Variants in MFAP5 observed in about 807,000 individuals in gnomAD.
The protein encoded by MFAP5 is microfibrillar-associated protein 5.
Under a neutral mutation model 30.1 loss-of-function variants are expected in MFAP5, and 19 were observed. The ratio of observed to expected loss-of-function variants is 0.63; its 90% CI spans 0.44 to 0.93. MFAP5 has a LOEUF of 0.93. Ranked by LOEUF, MFAP5 falls within the 40% of genes least tolerant of loss-of-function variation. The pLI is 0.00. For missense variants in MFAP5, 210 were observed against 221.3 expected, an observed-to-expected ratio of 0.95 and a Z score of 0.32; for synonymous variants, 92 against 72.9, an observed-to-expected ratio of 1.26 and a Z score of -1.33.
intron 7 of MFAP5, among the ~76,000 whole-genome samples, chr12:8,650,819 A>G (rs139390012): frequency 2.2e-3 from 337 of 152,318 alleles, no homozygotes; most frequent in African/African-American, 7.9e-3. Context: ...AGTGGATAAA[A>G]TAATCTCTGA....
At chr12:8,648,293 T>G (rs1371755540) in intron 9 of MFAP5, 90 bp from the exon 10 acceptor site, 1 of 1,128,398 alleles carries the variant, frequency 8.9e-7, no homozygotes, top group African/African-American at 1.6e-5. Context: ...TTCAGTGTGG[T>G]GTAGTGAAAA....
intron 8 of MFAP5, chr12:8,650,276 G>T (rs990248159): frequency 1.9e-6 from 1 of 517,770 alleles, no homozygotes; most frequent in East Asian, 3.2e-5. Flanking sequence ...TTCCTCCAGC[G>T]CCCACCTTCA....
At chr12:8,653,842 T>G (rs752663159) in intron 6 of MFAP5, among the ~76,000 whole-genome samples, 2 of 152,162 alleles carry the variant, frequency 1.3e-5, no homozygotes, top group Non-Finnish European at 2.9e-5. Flanking sequence ...CAATAATGAT[T>G]TGTTAAAAAA....
intron 6 of MFAP5, chr12:8,654,126 C>CAAAAA (rs61055144): frequency 5.3e-5 from 6 of 113,544 alleles, no homozygotes; most frequent in Admixed American, 4.7e-4. Flanking sequence ...TAATCCGTCT[C>CAAAAA]AAAAAAAAAA....
At chr12:8,654,411 C>G (rs1941925331) in intron 6 of MFAP5, 26 bp downstream of exon 6, 2 of 1,585,036 alleles carry the variant, frequency 1.3e-6, no homozygotes, top group African/African-American at 1.3e-5. Context: ...GCCCTGATGA[C>G]CTGGGGGTCC....
At chr12:8,655,090 C>T (rs772682382) in intron 5 of MFAP5, among the ~76,000 whole-genome samples, 1 of 152,072 alleles carries the variant, frequency 6.6e-6, no homozygotes, top group Non-Finnish European at 1.5e-5. Context: ...CCAGCTCGGC[C>T]AACATGGTGA....
chr12:8,656,176 T>G (rs1467578004), intron 3 of MFAP5, among the ~76,000 whole-genome samples: 1 of 149,966 alleles, frequency 6.7e-6, no homozygotes, highest in Admixed American at 6.7e-5. Flanking sequence ...TTCTCCTGCC[T>G]CAGCCTCCCA....
chr12:8,648,933 A>G (rs1941757966), intron 9 of MFAP5, among the ~76,000 whole-genome samples: 1 of 152,194 alleles, frequency 6.6e-6, no homozygotes, highest in South Asian at 2.1e-4. Flanking sequence ...GGGCCCTCGT[A>G]ATTGCCCCAT....
At chr12:8,656,156 G>C (rs12827867) in intron 3 of MFAP5, among the ~76,000 whole-genome samples, 10,964 of 150,278 alleles carry the variant, frequency 0.073, 466 homozygotes, top group Middle Eastern at 0.1. Context: ...CGCCTCCCGG[G>C]TTCACATCAT....
At chr12:8,656,156 G>A (rs12827867) in intron 3 of MFAP5, among the ~76,000 whole-genome samples, 1 of 150,226 alleles carries the variant, frequency 6.7e-6, no homozygotes, top group African/African-American at 2.5e-5. Flanking sequence ...CGCCTCCCGG[G>A]TTCACATCAT....
At position 8,647,475 on chromosome 12, in the gene MFAP5, G is replaced by C. The variant is rs1482965167; in HGVS notation, c.*616C>G. On this transcript the variant is annotated 3_prime_UTR_variant, in exon 10 of 10. Coordinates refer to ENST00000359478, the MANE Select transcript of MFAP5 (RefSeq NM_003480.4). Reference sequence around the variant, plus strand: ...CTCTGAGCTTAGCAGAAGACATTTTGGGTCCTTATATATTGCTAGTAGGAT... The same window carrying C: ...CTCTGAGCTTAGCAGAAGACATTTTCGGTCCTTATATATTGCTAGTAGGAT... 1.3e-5 allele frequency: 2 copies of C among 152,192 alleles called. No homozygotes were observed. Among genetic ancestry groups the C allele is most frequent in the Non-Finnish European group, 2.9e-5 (2 of 68,040 alleles). 9.4% of individuals were successfully genotyped at this position (152,192 alleles called of 1,614,324 possible).
chr12:8,649,486 C>G lies in MFAP5; in HGVS notation c.409+15G>C. Reference sequence around the variant, plus strand: ...TAACTGCTTCTCTCCATTAAACATCCAGACATCATCTTACCTTTCATAGCT... The same window carrying G: ...TAACTGCTTCTCTCCATTAAACATCGAGACATCATCTTACCTTTCATAGCT... On this transcript the variant is annotated intron_variant, in intron 9 of 9. Coordinates refer to ENST00000359478, the MANE Select transcript of MFAP5 (RefSeq NM_003480.4). 3 of 1,610,902 alleles carry G rather than the reference C, an allele frequency of 1.9e-6. No individual in the cohort carries two copies. The highest frequency in any genetic ancestry group is 1.7e-6 in the Non-Finnish European group (2 of 1,177,290).
intron 3 of MFAP5, among the ~76,000 whole-genome samples, chr12:8,657,434 A>G (rs1177543014): frequency 6.6e-6 from 1 of 152,046 alleles, no homozygotes. Context: ...AATAAGAATA[A>G]AATAATAGTA....
chr12:8,657,882 T>A (rs1404962861), intron 3 of MFAP5, among the ~76,000 whole-genome samples: 1 of 152,202 alleles, frequency 6.6e-6, no homozygotes, highest in Non-Finnish European at 1.5e-5. Flanking sequence ...TGACTTCTTT[T>A]TTTAACTTCA....
Position 8,661,963 on chromosome 12 carries a change from C to T in MFAP5, c.58+84G>A, listed in dbSNP as rs772396438. 9.2e-5 allele frequency: 118 copies of T among 1,289,210 alleles called. 1 individual carries two copies. In the East Asian group the frequency reaches 1.8e-3, roughly 19 times the overall value. 79.9% of individuals were successfully genotyped at this position (1,289,210 alleles called of 1,614,324 possible). ...AAGCATCTCTACTGCTATTCCTCTT[C>T]GACCTCATTCCATCCCATCTCCTGC... On this transcript the variant is annotated intron_variant, in intron 2 of 9. Coordinates refer to ENST00000359478, the MANE Select transcript of MFAP5 (RefSeq NM_003480.4).
chr12:8,659,188 A>G (rs1162101439), intron 3 of MFAP5, among the ~76,000 whole-genome samples: 1 of 151,780 alleles, frequency 6.6e-6, no homozygotes, highest in Non-Finnish European at 1.5e-5. Flanking sequence ...CATGCCTATA[A>G]TCCAAGCTAC....
At chr12:8,656,009 A>G (rs2136471976) in intron 3 of MFAP5, among the ~76,000 whole-genome samples, 179 bp from the exon 4 acceptor site, 1 of 152,202 alleles carries the variant, frequency 6.6e-6, no homozygotes, top group East Asian at 1.9e-4. Context: ...ATACTTATTT[A>G]AAATGAAATC....
At position 8,661,009 on chromosome 12, in the gene MFAP5, T is replaced by G; in HGVS notation, c.59-111A>C. ...GAGAAATGGTTATACTTTATCTTTG[T>G]GACTTATTCCTATATAGCTCAATAT... On this transcript the variant is annotated intron_variant, in intron 2 of 9. Transcript: ENST00000359478. The G allele has an allele frequency of 4.4e-6, 4 of 902,062 alleles. 1 individual carries two copies. In the South Asian group the frequency reaches 7.1e-5, roughly 16 times the overall value. 55.9% of individuals were successfully genotyped at this position (902,062 alleles called of 1,614,324 possible).
chr12:8,656,552 C>G (rs766344905), intron 3 of MFAP5, among the ~76,000 whole-genome samples: 39 of 141,324 alleles, frequency 2.8e-4, no homozygotes, highest in Non-Finnish European at 5.2e-4. Flanking sequence ...GGATTACAGG[C>G]GCATACCACC....
Sources: allele counts gnomAD v4.1 joint callset (sites outside exome capture counted in the v4.1 genomes callset), GRCh38; gene constraint gnomAD v4.1.1; transcripts MANE v1.5; gene names NCBI Gene and HGNC (gene_info 2026-07-23, HGNC 2026-07-21).